EXOC3L2: variants seen among roughly 807,000 people sequenced by gnomAD.
EXOC3L2 encodes the protein exocyst complex component 3-like protein 2.
A neutral mutation model predicts 44.4 loss-of-function variants in EXOC3L2; 17 were observed. The observed-to-expected ratio is 0.38, with a 90% CI of 0.26 to 0.57. The LOEUF is 0.57. Among genes scored for constraint, EXOC3L2 ranks in the 20% least tolerant of loss-of-function variants. The probability of loss-of-function intolerance (pLI) is 0.65; values close to 1 mark genes in which losing one functional copy is unlikely to be tolerated. For missense variants in EXOC3L2, 541 were observed against 588.4 expected (o/e 0.92, Z 0.83); for synonymous variants, 256 against 253.7 (o/e 1.01, Z -0.09).
chr19:45,235,606 G>A (rs140479405), intron 2 of EXOC3L2, among the ~76,000 whole-genome samples: 1 of 152,296 alleles, frequency 6.6e-6, no homozygotes, highest in African/African-American at 2.4e-5. Flanking sequence ...AGTCGGGCTG[G>A]AAGGCCTCTG....
Position 45,231,884 on chromosome 19 carries a change from G to C in EXOC3L2, c.1158-10C>G. On this transcript the variant is annotated splice_polypyrimidine_tract_variant and intron_variant, in intron 3 of 11. Coordinates refer to ENST00000413988, the MANE Select transcript of EXOC3L2 (RefSeq NM_001382422.1). ...CAGCCCTAGGACCTCTCTGGGGATG[G>C]GGGTGAGAGAAAAGGAGGTCTGTGA... 6.4e-7 allele frequency: 1 copy of C among 1,568,410 alleles called. No homozygotes were observed.
At chr19:45,220,397 G>GTCACT (rs1969884111) in intron 8 of EXOC3L2, among the ~76,000 whole-genome samples, 1 of 151,984 alleles carries the variant, frequency 6.6e-6, no homozygotes, top group Non-Finnish European at 1.5e-5. Flanking sequence ...GTAAGCCCAG[G>GTCACT]TGGTTGAGGC....
chr19:45,225,620 CT>C (rs555190100), intron 7 of EXOC3L2, among the ~76,000 whole-genome samples: 14,420 of 125,224 alleles, frequency 0.12, 946 homozygotes, highest in African/African-American at 0.21. Flanking sequence ...TTACTCTTCT[CT>C]TTTTTTTTTT....
chr19:45,232,174 CT>C (rs1285914143), intron 3 of EXOC3L2, among the ~76,000 whole-genome samples: 1 of 152,136 alleles, frequency 6.6e-6, no homozygotes, highest in African/African-American at 2.4e-5. Context: ...CAGAAGTTCC[CT>C]TTGCACCTAT....
At chr19:45,237,725 G>A (rs1163177989) in intron 2 of EXOC3L2, among the ~76,000 whole-genome samples, 1 of 152,090 alleles carries the variant, frequency 6.6e-6, no homozygotes, top group African/African-American at 2.4e-5. Flanking sequence ...AAAAAGATAT[G>A]TGAAGTCTTC....
chr19:45,216,129 G>C lies in EXOC3L2; in HGVS notation c.2064C>G (p.Asp688Glu). 6.2e-7 allele frequency: 1 copy of C among 1,614,034 alleles called. No homozygotes were observed. Among genetic ancestry groups the C allele is most frequent in the Non-Finnish European group, 8.5e-7 (1 of 1,179,992 alleles). The part of the protein sequence containing the change: ...PHLAEVMQLE[D>E]TPSIQVEVGV... ...CCACCTCCACCTGGATGCTGGGCGT[G>C]TCTTCCAGCTGCATGACTTCAGCCA... is the stretch of plus-strand genomic sequence containing the variant. Residue 688 changes from aspartate (D) to glutamate (E), a missense_variant, in exon 11 of 12, where the codon GAC (aspartate) becomes GAG (glutamate). By Grantham distance (45) the Asp-to-Glu change is conservative. Coordinates refer to ENST00000413988, the MANE Select transcript of EXOC3L2 (RefSeq NM_001382422.1).
intron 1 of EXOC3L2, among the ~76,000 whole-genome samples, chr19:45,241,627 T>C (rs1970132843): frequency 6.6e-6 from 1 of 152,192 alleles, no homozygotes; most frequent in Non-Finnish European, 1.5e-5. Flanking sequence ...TCACTAGTGC[T>C]GTCCCGTAGC....
At chr19:45,227,840 C>T (rs890065334) in intron 6 of EXOC3L2, 68 bp from the exon 7 acceptor site, 57 of 1,542,322 alleles carry the variant, frequency 3.7e-5, no homozygotes, top group Non-Finnish European at 4.8e-5. Context: ...CCCAGCCTGC[C>T]AAAGCCACCA....
Position 45,238,725 on chromosome 19 carries a change from C to G in EXOC3L2, c.321G>C (p.Leu107=), listed in dbSNP as rs145082659. 7.5e-6 allele frequency: 3 copies of G among 398,944 alleles called. No individual in the cohort carries two copies. Among genetic ancestry groups the G allele is most frequent in the Non-Finnish European group, 1.3e-5 (3 of 225,942 alleles). 24.7% of individuals were successfully genotyped at this position (398,944 alleles called of 1,614,324 possible). ...IRRSSADFGL[L]ARLHGTRAHG... Reference sequence around the variant, plus strand: ...GGGCTCGGGTCCCATGCAGCCGGGCCAGGAGGCCAAAATCTGCTGAGCTCC... The same window carrying G: ...GGGCTCGGGTCCCATGCAGCCGGGCGAGGAGGCCAAAATCTGCTGAGCTCC... The change falls in exon 2 of 12, where the codon CTG becomes CTC. Residue 107 remains leucine, a synonymous_variant. Coordinates refer to ENST00000413988, the MANE Select transcript of EXOC3L2 (RefSeq NM_001382422.1). The surrounding 1 kb of genome is among the most constrained non-coding windows in gnomAD (Gnocchi z 5.5).
At chr19:45,217,471 G>A in intron 10 of EXOC3L2, 57 bp downstream of exon 10, 1 of 1,473,486 alleles carries the variant, frequency 6.8e-7, no homozygotes, top group Non-Finnish European at 8.9e-7. Context: ...TGAGATTCTC[G>A]GAAGCCAAGC....
At chr19:45,222,303 G>T (rs1367679548) in intron 8 of EXOC3L2, among the ~76,000 whole-genome samples, 1 of 150,732 alleles carries the variant, frequency 6.6e-6, no homozygotes, top group Admixed American at 6.6e-5. Context: ...ACGTTCAAGC[G>T]ATTCTCCTGC....
chr19:45,231,977 A>C, intron 3 of EXOC3L2, 103 bp from the exon 4 acceptor site: 1 of 599,502 alleles, frequency 1.7e-6, no homozygotes, highest in Non-Finnish European at 2.7e-6. Flanking sequence ...ACCCTGGGCC[A>C]CTCCCTTCCT....
intron 8 of EXOC3L2, among the ~76,000 whole-genome samples, chr19:45,221,307 G>A (rs1969894980): frequency 6.6e-6 from 1 of 151,714 alleles, no homozygotes; most frequent in African/African-American, 2.4e-5. Context: ...GCCTCCCAAA[G>A]TGCTGGGATT....
chr19:45,243,000 T>G (rs1022816538), intron 1 of EXOC3L2, among the ~76,000 whole-genome samples: 1 of 152,176 alleles, frequency 6.6e-6, no homozygotes, highest in African/African-American at 2.4e-5. Flanking sequence ...CAAGTAGATT[T>G]TTATCCCATG....
chr19:45,215,880 G>T, intron 11 of EXOC3L2, among the ~76,000 whole-genome samples, 193 bp downstream of exon 11: 1 of 152,260 alleles, frequency 6.6e-6, no homozygotes, highest in Admixed American at 6.5e-5. Context: ...TGGCGGTGGC[G>T]GCGGAGGCAG....
chr19:45,215,135 T>C (rs1409882219), intron 11 of EXOC3L2, among the ~76,000 whole-genome samples: 1 of 152,042 alleles, frequency 6.6e-6, no homozygotes, highest in African/African-American at 2.4e-5. Flanking sequence ...AGTGAGACTC[T>C]GTCTCAAAAA....
At chr19:45,239,313 G>A (rs542717980) in intron 1 of EXOC3L2, among the ~76,000 whole-genome samples, 1 of 150,634 alleles carries the variant, frequency 6.6e-6, no homozygotes, top group South Asian at 2.1e-4. Flanking sequence ...CGCCTCCCGG[G>A]TTCACGCGAT....
At chr19:45,219,092 A>T (rs1360045697) in intron 8 of EXOC3L2, among the ~76,000 whole-genome samples, 1 of 152,130 alleles carries the variant, frequency 6.6e-6, no homozygotes, top group African/African-American at 2.4e-5. Flanking sequence ...GTGCAACTGT[A>T]GTTCCAGCTA....
chr19:45,242,001 A>G (rs552006616), intron 1 of EXOC3L2, among the ~76,000 whole-genome samples: 1 of 152,336 alleles, frequency 6.6e-6, no homozygotes, highest in South Asian at 2.1e-4. Context: ...GTGGCAAGAC[A>G]GTTCATTCCT....
Sources: allele counts gnomAD v4.1 joint callset (sites outside exome capture counted in the v4.1 genomes callset), GRCh38; gene constraint gnomAD v4.1.1; non-coding constraint Gnocchi (gnomAD v3.1); transcripts MANE v1.5; gene names NCBI Gene and HGNC (gene_info 2026-07-23, HGNC 2026-07-21).